The following NOA1 variants were observed in gnomAD, a reference collection of about 807,000 sequenced individuals.
NOA1 encodes the protein nitric oxide-associated protein 1.
In NOA1, 35 loss-of-function variants were observed where a neutral mutation model predicts 58.4. That is an observed-to-expected ratio of 0.60 (90% CI 0.46 to 0.79). NOA1 has a LOEUF of 0.79. Among genes scored for constraint, NOA1 ranks in the 30% least tolerant of loss-of-function variants. The pLI, the probability that NOA1 is intolerant of heterozygous loss-of-function variation, is 0.00. For missense variants in NOA1, 895 were observed against 894.6 expected, an observed-to-expected ratio of 1.00 and a Z score of -0.01; for synonymous variants, 397 against 373.4, an observed-to-expected ratio of 1.06 and a Z score of -0.73.
In NOA1 at chr4:56,976,596, G is replaced by C; in HGVS notation, c.990C>G (p.Ala330=). ...CACGGTAGCGCCAGGAGCGCTGAAG[G>C]GCAGAGATCAACTCTTCCACTCCAT... ...TGYGVEELIS[A]LQRSWRYRGD... The change falls in exon 1 of 7, where the codon GCC becomes GCG. Residue 330 remains alanine, a synonymous_variant. Transcript: ENST00000264230. 1 of 1,614,216 alleles carries C rather than the reference G, an allele frequency of 6.2e-7. No individual in the cohort carries two copies. The highest frequency in any genetic ancestry group is 1.1e-5 in the South Asian group (1 of 91,088).
chr4:56,976,484 C>G lies in NOA1; in HGVS notation c.1102G>C (p.Gly368Arg), dbSNP rs762850406. 1.9e-6 allele frequency: 3 copies of G among 1,614,174 alleles called. No homozygotes were observed. In the South Asian group the frequency reaches 3.3e-5, roughly 18 times the overall value. Residue 368 changes from glycine to arginine, a missense_variant, in exon 1 of 7, where the codon GGC becomes CGC. This residue lies in a region of NOA1 where 680 missense variants were observed against 656.5 expected (regional missense o/e 1.04). Transcript: ENST00000264230. ...GTGGCTCTGTCGATGGCCTCGGAGC[C>G]CTTGGCAGTGCAGTAATCGGACTCC... ...LLESDYCTAKGSEAIDRATIS... is the reference protein window; with the variant it reads ...LLESDYCTAKRSEAIDRATIS...
chr4:56,974,698 T>C (rs982306136), intron 1 of NOA1, among the ~76,000 whole-genome samples: 3 of 152,022 alleles, frequency 2.0e-5, no homozygotes, highest in African/African-American at 7.2e-5. Context: ...CATTTTCTAA[T>C]TACAGAAGTT....
Position 56,964,482 on chromosome 4 carries a change from AAGAG to A in NOA1, c.1805_1808del (p.Pro602LeufsTer8). 1 of 1,614,160 alleles carries A rather than the reference AAGAG, an allele frequency of 6.2e-7. No individual in the cohort carries two copies. The highest frequency in any genetic ancestry group is 8.5e-7 in the Non-Finnish European group (1 of 1,180,002). ...CTTTTAACATAATGTCTTCAGCAAC[AAGAG>A]GAGGAAATCCTGCCATTCGTTCTTT... is the stretch of plus-strand genomic sequence containing the variant. On this transcript the variant is annotated frameshift_variant, in exon 6 of 7. Transcript: ENST00000264230. LOFTEE classifies it high-confidence loss of function.
At chr4:56,971,454 A>G (rs1721809695) in intron 3 of NOA1, among the ~76,000 whole-genome samples, 1 of 152,118 alleles carries the variant, frequency 6.6e-6, no homozygotes, top group Non-Finnish European at 1.5e-5. Context: ...CAATTATTCC[A>G]GGAGAGCAAT....
rs774663213 is a variant in NOA1 at position 56,973,132 on chromosome 4, G to T, written c.1515+16C>A. ...AAAAAGAAAGTAAATGTTTCTAAAA[G>T]AAACCAAATACATACACAATTTTCT... On this transcript the variant is annotated intron_variant, in intron 3 of 6. Transcript: ENST00000264230. 3 of 1,610,750 alleles carry T rather than the reference G, an allele frequency of 1.9e-6. No homozygotes were observed. The highest frequency in any genetic ancestry group is 2.5e-6 in the Non-Finnish European group (3 of 1,177,126).
At position 56,977,503 on chromosome 4, in the gene NOA1, C is replaced by G; in HGVS notation, c.83G>C (p.Arg28Pro). The stretch of plus-strand genomic sequence containing the variant: ...GCACCTCCTCTCCAGGAGCGGCTCC[C>G]GGAGGCCATGGCGCGCTGCCGTGGG... ...SAPTAARHGL[R>P]EPLLERRCAA... Residue 28 changes from arginine (R) to proline (P), a missense_variant, in exon 1 of 7, where the codon CGG becomes CCG. Arg to Pro is a moderately radical substitution (Grantham distance 103). Coordinates refer to ENST00000264230, the MANE Select transcript of NOA1 (RefSeq NM_032313.4). 1 of 1,613,590 alleles carries G rather than the reference C, an allele frequency of 6.2e-7. No individual in the cohort carries two copies. The highest frequency in any genetic ancestry group is 8.5e-7 in the Non-Finnish European group (1 of 1,179,958).
In NOA1 at chr4:56,966,018, CTTTTTTTTTTTT is replaced by C. The variant is rs57382498; in HGVS notation, c.1764+590_1764+601del. ...TACCTGGCTAACTTGAGCAAATTTT[CTTTTTTTTTTTT>C]TTTTTTTTTTGAGATGGAGTCTCTG... On this transcript the variant is annotated intron_variant, in intron 5 of 6. Transcript: ENST00000264230. Among the ~76,000 whole-genome samples the C allele has an allele frequency of 5.6e-3, 497 of 88,564 alleles. 5 individuals carry two copies. Among genetic ancestry groups the C allele is most frequent in the African/African-American group, 0.021 (468 of 22,008 alleles). The allele number at this position is 88,564 out of a possible 152,430, so 58.1% of individuals were successfully genotyped here. A position where few individuals can be genotyped will look rare whatever the true frequency, so the allele number is the denominator to read the frequency against.
rs1231141699 is a variant in NOA1, at chr4:56,976,502, C to A, written c.1084G>T (p.Asp362Tyr). 2 of 1,614,098 alleles carry A rather than the reference C, an allele frequency of 1.2e-6. No individual in the cohort carries two copies. The highest frequency in any genetic ancestry group is 1.7e-6 in the Non-Finnish European group (2 of 1,180,048). Reference sequence around the variant, plus strand: ...TCGGAGCCCTTGGCAGTGCAGTAATCGGACTCCAGGAGCGTGTTAAAGAGA... The same window carrying A: ...TCGGAGCCCTTGGCAGTGCAGTAATAGGACTCCAGGAGCGTGTTAAAGAGA... ...STLFNTLLES[D>Y]YCTAKGSEAI... Residue 362 changes from aspartate to tyrosine, a missense_variant, in exon 1 of 7, where the codon GAT (aspartate) becomes TAT (tyrosine). Asp to Tyr is a radical substitution (Grantham distance 160). Coordinates refer to ENST00000264230, the MANE Select transcript of NOA1 (RefSeq NM_032313.4).
intron 2 of NOA1, 73 bp from the exon 3 acceptor site, chr4:56,973,426 C>T: frequency 8.0e-7 from 1 of 1,245,254 alleles, no homozygotes; most frequent in Non-Finnish European, 1.2e-6. Flanking sequence ...TTTTATGTTT[C>T]CCTCAAACAA....
Position 56,977,111 on chromosome 4 carries a change from G to A in NOA1, c.475C>T (p.Leu159=). 6.4e-7 allele frequency: 1 copy of A among 1,561,488 alleles called. No homozygotes were observed. Among genetic ancestry groups the A allele is most frequent in the Non-Finnish European group, 8.6e-7 (1 of 1,156,534 alleles). The change falls in exon 1 of 7, where the codon CTG becomes TTG. Residue 159 remains leucine (L), a synonymous_variant. Coordinates refer to ENST00000264230, the MANE Select transcript of NOA1 (RefSeq NM_032313.4). ...GTGCGGAGGAACTTCTCTCGGGGCA[G>A]GTAGCCGGGCACTCCGGCGTCCTGG... ...HCQDAGVPGY[L]PREKFLRTAE... is the part of the protein sequence containing the mutation.
Position 56,976,534 on chromosome 4 carries a change from T to G in NOA1, c.1052A>C (p.Lys351Thr), listed in dbSNP as rs746439685. The change falls in exon 1 of 7, where the codon AAA becomes ACA. Residue 351 changes from lysine (K) to threonine (T), a missense_variant. Lys to Thr is a moderately conservative substitution (Grantham distance 78). Around this residue, in one of 3 missense-constraint regions of NOA1, gnomAD observed 680 missense variants for 656.5 expected, o/e 1.04. Transcript: ENST00000264230. Reference sequence around the variant, plus strand: ...CAGGAGCGTGTTAAAGAGAGTGGATTTGCCGGCGTTGGTGGCGCCCACTAA... The same window carrying G: ...CAGGAGCGTGTTAAAGAGAGTGGATGTGCCGGCGTTGGTGGCGCCCACTAA... ...VYLVGATNAG[K>T]STLFNTLLES... 2.7e-5 allele frequency: 44 copies of G among 1,614,096 alleles called. No individual in the cohort carries two copies. Among genetic ancestry groups the G allele is most frequent in the Admixed American group, 6.7e-5 (4 of 60,012 alleles).
chr4:56,964,664 T>C, intron 5 of NOA1, 138 bp from the exon 6 acceptor site: 1 of 950,546 alleles, frequency 1.1e-6, no homozygotes, highest in Non-Finnish European at 1.6e-6. Flanking sequence ...TGAAAAGAAC[T>C]TGCAATCACT....
intron 2 of NOA1, 27 bp downstream of exon 2, chr4:56,973,831 G>A (rs552834238): frequency 8.1e-6 from 13 of 1,609,648 alleles, no homozygotes; most frequent in African/African-American, 1.3e-5. Flanking sequence ...TAGTACCAAC[G>A]AGGGTTTTCC....
chr4:56,970,873 GT>G (rs1721799004), intron 3 of NOA1, among the ~76,000 whole-genome samples: 1 of 152,168 alleles, frequency 6.6e-6, no homozygotes, highest in South Asian at 2.1e-4. Context: ...CAAACTACCA[GT>G]GCTGACAGAC....
chr4:56,974,796 G>C (rs1166479141), intron 1 of NOA1, among the ~76,000 whole-genome samples: 3 of 151,752 alleles, frequency 2.0e-5, no homozygotes, highest in African/African-American at 7.3e-5. Flanking sequence ...CAGCCTCCCA[G>C]GTTCAAGCGA....
chr4:56,973,904 T>C lies in NOA1; in HGVS notation c.1263A>G (p.Gln421=). 6.2e-7 allele frequency: 1 copy of C among 1,614,216 alleles called. No individual in the cohort carries two copies. The highest frequency in any genetic ancestry group is 8.5e-7 in the Non-Finnish European group (1 of 1,180,034). The change falls in exon 2 of 7, where the codon CAA becomes CAG. Residue 421 remains glutamine (Q), a synonymous_variant. Coordinates refer to ENST00000264230, the MANE Select transcript of NOA1 (RefSeq NM_032313.4). ...STQAEEDLSE[Q]EQNQLNVLKK... The stretch of plus-strand genomic sequence containing the variant: ...TGAGGACATTAAGCTGATTTTGTTC[T>C]TGCTCACTAAGATCTTCTTCAGCTT...
intron 1 of NOA1, 61 bp downstream of exon 1, chr4:56,976,381 C>T (rs2109622191): frequency 6.8e-7 from 1 of 1,469,778 alleles, no homozygotes; most frequent in Non-Finnish European, 9.3e-7. Flanking sequence ...CTCGGTGCCT[C>T]GGCCAGGACC....
At chr4:56,965,530 G>T (rs747362288) in intron 5 of NOA1, among the ~76,000 whole-genome samples, 1 of 152,088 alleles carries the variant, frequency 6.6e-6, no homozygotes, top group Non-Finnish European at 1.5e-5. Flanking sequence ...CATTAGTAAA[G>T]AAGCTATATA....
chr4:56,973,065 G>T, intron 3 of NOA1, 83 bp downstream of exon 3: 1 of 1,141,036 alleles, frequency 8.8e-7, no homozygotes, highest in Non-Finnish European at 1.3e-6. Flanking sequence ...TTGATAAATT[G>T]GCTGTATCTG....
Sources: gnomAD v4.1 joint callset for allele counts (sites outside exome capture counted in the v4.1 genomes callset) on GRCh38, gnomAD v4.1.1 for gene constraint, gnomAD v4.1.1 regional missense constraint, MANE v1.5 for transcripts, NCBI Gene and HGNC (gene_info 2026-07-23, HGNC 2026-07-21) for gene names.